Variants in PALM2AKAP2 observed in about 807,000 individuals in gnomAD.
The protein encoded by PALM2AKAP2 is PALM2-AKAP2 fusion protein.
Under a neutral mutation model 71.5 loss-of-function variants are expected in PALM2AKAP2, and 37 were observed. That is an observed-to-expected ratio of 0.52 (90% CI 0.40 to 0.68). The LOEUF is 0.68. PALM2AKAP2 is among the 30% of genes least tolerant of loss of function. The pLI is 0.00. For synonymous variants in PALM2AKAP2, 468 were observed against 478.8 expected (o/e 0.98, Z 0.29); for missense variants, 1,224 against 1,191.8 (o/e 1.03, Z -0.40).
intron 1 of PALM2AKAP2, among the ~76,000 whole-genome samples, chr9:109,730,035 G>A (rs1266586791): frequency 6.6e-6 from 1 of 152,178 alleles, no homozygotes; most frequent in Non-Finnish European, 1.5e-5. Context: ...CTAAAGTGGT[G>A]AGCAAATGTC....
At chr9:109,816,323 G>T (rs2131466383) in intron 1 of PALM2AKAP2, among the ~76,000 whole-genome samples, 1 of 152,306 alleles carries the variant, frequency 6.6e-6, no homozygotes, top group East Asian at 1.9e-4. Context: ...GATTGGAATG[G>T]ATTGTTCACA....
chr9:109,650,748 T>C (rs966383728), intron 1 of PALM2AKAP2, among the ~76,000 whole-genome samples: 2 of 152,114 alleles, frequency 1.3e-5, no homozygotes, highest in African/African-American at 4.8e-5. Flanking sequence ...CAATTTTCCT[T>C]CCAATTTTTC....
chr9:109,873,673 A>G (rs1411178962), intron 2 of PALM2AKAP2, among the ~76,000 whole-genome samples: 1 of 152,222 alleles, frequency 6.6e-6, no homozygotes, highest in Admixed American at 6.5e-5. Context: ...TATGACATCA[A>G]AGCCAGAATG....
chr9:109,685,370 A>G (rs554576008), intron 1 of PALM2AKAP2, among the ~76,000 whole-genome samples: 1 of 152,202 alleles, frequency 6.6e-6, no homozygotes, highest in Non-Finnish European at 1.5e-5. Flanking sequence ...ATACACAGTT[A>G]TATGTCAGAG....
chr9:109,928,833 A>G (rs1831018297), intron 5 of PALM2AKAP2, among the ~76,000 whole-genome samples: 1 of 151,738 alleles, frequency 6.6e-6, no homozygotes, highest in African/African-American at 2.4e-5. Flanking sequence ...CACCAGTCCA[A>G]ATTTTTGCAT....
intron 1 of PALM2AKAP2, among the ~76,000 whole-genome samples, chr9:109,724,877 T>C (rs1337093377): frequency 6.6e-6 from 1 of 152,142 alleles, no homozygotes; most frequent in Non-Finnish European, 1.5e-5. Flanking sequence ...CAAATTTGAC[T>C]ATATAAATAT....
intron 1 of PALM2AKAP2, among the ~76,000 whole-genome samples, chr9:109,657,205 A>G (rs1827319906): frequency 6.6e-6 from 1 of 152,256 alleles, no homozygotes; most frequent in Non-Finnish European, 1.5e-5. Flanking sequence ...ATTGTTTCAG[A>G]TTCAGGAGCA....
chr9:109,758,171 T>C (rs5012498), intron 1 of PALM2AKAP2, among the ~76,000 whole-genome samples: 97,281 of 151,998 alleles, frequency 0.64, 31,550 homozygotes, highest in South Asian at 0.76. Flanking sequence ...TATATCTTCA[T>C]GCTTGCTCCC....
upstream of PALM2AKAP2, among the ~76,000 whole-genome samples, chr9:109,775,220 G>A (rs1281697403): frequency 6.6e-6 from 1 of 152,198 alleles, no homozygotes; most frequent in African/African-American, 2.4e-5. Flanking sequence ...CATTGCCAAA[G>A]CTAACCAAGA....
At chr9:109,778,123 T>C (rs1829374178), upstream of PALM2AKAP2, among the ~76,000 whole-genome samples, 1 of 152,252 alleles carries the variant, frequency 6.6e-6, no homozygotes, top group Admixed American at 6.5e-5. Context: ...GTAAGTACAT[T>C]CACACTGTTG....
chr9:109,807,384 TGG>T (rs1228426919), intron 1 of PALM2AKAP2, among the ~76,000 whole-genome samples: 2 of 152,186 alleles, frequency 1.3e-5, no homozygotes, highest in African/African-American at 2.4e-5. Context: ...TGCCATAGAC[TGG>T]GTGGCTTATA....
exon 2 of PALM2AKAP2, chr9:110,138,106 G>C: frequency 6.2e-7 from 1 of 1,614,192 alleles, no homozygotes; most frequent in Non-Finnish European, 8.5e-7. Flanking sequence ...CTCAGAGCAT[G>C]TTTGAGCCAC....
chr9:110,061,453 ACCTT>A (rs1339187036), intron 1 of PALM2AKAP2, among the ~76,000 whole-genome samples: 1 of 152,030 alleles, frequency 6.6e-6, no homozygotes, highest in Non-Finnish European at 1.5e-5. Context: ...AGTGAGTTTA[ACCTT>A]CCATAAGCAC....
intron 3 of PALM2AKAP2, among the ~76,000 whole-genome samples, chr9:109,881,258 G>A (rs1829842755): frequency 6.6e-6 from 1 of 152,036 alleles, no homozygotes. Context: ...TATTGCACTG[G>A]GCTGTAATAC....
intron 1 of PALM2AKAP2, among the ~76,000 whole-genome samples, chr9:109,838,653 A>T (rs1828557229): frequency 6.6e-6 from 1 of 152,238 alleles, no homozygotes; most frequent in Non-Finnish European, 1.5e-5. Context: ...AGAAGAAAAG[A>T]GAGAAGAATC....
intron 1 of PALM2AKAP2, among the ~76,000 whole-genome samples, chr9:109,724,996 A>G (rs570113678): frequency 6.6e-6 from 1 of 152,372 alleles, no homozygotes; most frequent in African/African-American, 2.4e-5. Flanking sequence ...GAACACCTAA[A>G]TAGACAAAGT....
rs190242423 is a variant in PALM2AKAP2, at chr9:109,927,104, C to T, written c.394+2022C>T. Among the ~76,000 whole-genome samples, 311 of 152,254 alleles carry T rather than the reference C, an allele frequency of 2.0e-3. 4 individuals carry two copies. Among genetic ancestry groups the T allele is most frequent in the Middle Eastern group, 0.01 (3 of 294 alleles). ...GGGAAGTGGCCCAGGGAAGAGTTTC[C>T]GTGGTCTTACCTGTCACCCTGCATT... On this transcript the variant is annotated intron_variant, in intron 5 of 9. Coordinates refer to the PALM2AKAP2 transcript ENST00000302798.
At chr9:109,724,777 C>T (rs1361924440) in intron 1 of PALM2AKAP2, among the ~76,000 whole-genome samples, 1 of 152,092 alleles carries the variant, frequency 6.6e-6, no homozygotes, top group Non-Finnish European at 1.5e-5. Context: ...GAGTGACATC[C>T]AGGCTGTCTG....
chr9:110,044,035 A>G (rs544486598), upstream of PALM2AKAP2, among the ~76,000 whole-genome samples: 3 of 151,980 alleles, frequency 2.0e-5, no homozygotes, highest in East Asian at 5.8e-4. Context: ...TGTTTTTTCT[A>G]TTAAGGAGTT....
Sources: allele counts gnomAD v4.1 joint callset (sites outside exome capture counted in the v4.1 genomes callset), GRCh38; gene constraint gnomAD v4.1.1; transcripts MANE v1.5; gene names NCBI Gene and HGNC (gene_info 2026-07-23, HGNC 2026-07-21).